RSBN1: variants seen among roughly 807,000 people sequenced by gnomAD.
RSBN1 encodes lysine-specific demethylase 9.
Under a neutral mutation model 74.8 loss-of-function variants are expected in RSBN1, and 23 were observed. The observed-to-expected ratio is 0.31, with a 90% CI of 0.22 to 0.44. The LOEUF is 0.44. Among genes scored for constraint, RSBN1 ranks in the 20% least tolerant of loss-of-function variants. The pLI is 1.00. For synonymous variants in RSBN1, 407 were observed against 379.6 expected, an observed-to-expected ratio of 1.07 and a Z score of -0.84; for missense variants, 808 against 1,020.9, an observed-to-expected ratio of 0.79 and a Z score of 2.84.
chr1:113,781,562 A>C (rs184269984), intron 2 of RSBN1, among the ~76,000 whole-genome samples: 1 of 152,110 alleles, frequency 6.6e-6, no homozygotes, highest in African/African-American at 2.4e-5. Flanking sequence ...CCATATCTAC[A>C]TCTCTAACTT....
Position 113,762,702 on chromosome 1 carries a change from A to G in RSBN1, c.*3278T>C, listed in dbSNP as rs1158011027. ...TCATGGATTTGGGAGTCTTGTTCCTATATTAGCTTTCATTCTAGACAATTA... is the reference window on the plus strand; with the variant it reads ...TCATGGATTTGGGAGTCTTGTTCCTGTATTAGCTTTCATTCTAGACAATTA... On this transcript the variant is annotated 3_prime_UTR_variant, in exon 7 of 7. Transcript: ENST00000261441. 1 of 152,780 alleles carries G rather than the reference A, an allele frequency of 6.5e-6. No individual in the cohort carries two copies. The highest frequency in any genetic ancestry group is 1.5e-5 in the Non-Finnish European group (1 of 68,016). 9.5% of individuals were successfully genotyped at this position (152,780 alleles called of 1,614,324 possible).
At chr1:113,811,155 A>G (rs562992711) in intron 1 of RSBN1, among the ~76,000 whole-genome samples, 1 of 152,344 alleles carries the variant, frequency 6.6e-6, no homozygotes, top group East Asian at 1.9e-4. Flanking sequence ...AATAGCTAAT[A>G]TGAAAACTTT....
chr1:113,789,146 T>C (rs145805859), intron 2 of RSBN1, among the ~76,000 whole-genome samples: 2 of 149,760 alleles, frequency 1.3e-5, no homozygotes, highest in African/African-American at 2.5e-5. Context: ...AATTAGAGGG[T>C]TGGACGGTCA....
chr1:113,805,678 C>A (rs1188043852), intron 1 of RSBN1, among the ~76,000 whole-genome samples: 1 of 152,184 alleles, frequency 6.6e-6, no homozygotes, highest in East Asian at 1.9e-4. Flanking sequence ...CAAGTTTACC[C>A]TAGCATTTAC....
chr1:113,793,752 C>T (rs1660416251), intron 2 of RSBN1, among the ~76,000 whole-genome samples: 1 of 151,522 alleles, frequency 6.6e-6, no homozygotes, highest in South Asian at 2.1e-4. Flanking sequence ...GTGATCTTGG[C>T]TCAGTGCAAA....
chr1:113,806,711 G>A (rs1660705085), intron 1 of RSBN1, among the ~76,000 whole-genome samples: 1 of 151,350 alleles, frequency 6.6e-6, no homozygotes, highest in South Asian at 2.1e-4. Flanking sequence ...CACTGAGAAG[G>A]TAGAAAGGAC....
chr1:113,777,769 G>A lies in RSBN1; in HGVS notation c.1417C>T (p.Pro473Ser). The change falls in exon 3 of 7, where the codon CCT becomes TCT. Residue 473 changes from proline to serine, a missense_variant. By Grantham distance (74) the Pro-to-Ser change is moderately conservative. Coordinates refer to ENST00000261441, the MANE Select transcript of RSBN1 (RefSeq NM_018364.5). ...TYCCGTYRAG[P>S]MRQISLVGAV... Reference sequence around the variant, plus strand: ...CCAACGAGACTTATCTGCCGCATAGGACCTGCTCGGTAGGTGCCACAGCAG... The same window carrying A: ...CCAACGAGACTTATCTGCCGCATAGAACCTGCTCGGTAGGTGCCACAGCAG... 1 of 1,608,144 alleles carries A rather than the reference G, an allele frequency of 6.2e-7. No individual in the cohort carries two copies. Among genetic ancestry groups the A allele is most frequent in the Non-Finnish European group, 8.5e-7 (1 of 1,176,124 alleles).
rs1328845607 is a variant in RSBN1, at chr1:113,763,665, A to G, written c.*2315T>C. On this transcript the variant is annotated 3_prime_UTR_variant, in exon 7 of 7. Transcript: ENST00000261441. Reference sequence around the variant, plus strand: ...TCTATTGCAATTCTAACATACAATGAATTTATTAGTACATGATTTTAAACA... The same window carrying G: ...TCTATTGCAATTCTAACATACAATGGATTTATTAGTACATGATTTTAAACA... 6.5e-6 allele frequency: 1 copy of G among 152,774 alleles called. No individual in the cohort carries two copies. Among genetic ancestry groups the G allele is most frequent in the Non-Finnish European group, 1.5e-5 (1 of 68,028 alleles). The allele number at this position is 152,774 out of a possible 1,614,324, so 9.5% of individuals were successfully genotyped here.
rs1659728916 is a variant in RSBN1, at chr1:113,763,698, T to C, written c.*2282A>G. 1.3e-5 allele frequency: 2 copies of C among 152,792 alleles called. No individual in the cohort carries two copies. The highest frequency in any genetic ancestry group is 1.3e-4 in the Admixed American group (2 of 15,278). 9.5% of individuals were successfully genotyped at this position (152,792 alleles called of 1,614,324 possible). On this transcript the variant is annotated 3_prime_UTR_variant, in exon 7 of 7. Coordinates refer to ENST00000261441, the MANE Select transcript of RSBN1 (RefSeq NM_018364.5). ...AGTACATGATTTTAAACATTTTTATTGTACTCTTTTAATGTGTTTATATTG... is the reference window on the plus strand; with the variant it reads ...AGTACATGATTTTAAACATTTTTATCGTACTCTTTTAATGTGTTTATATTG...
chr1:113,799,611 C>G lies in RSBN1; in HGVS notation c.704-1575G>C, dbSNP rs866732370. 1.1e-3 allele frequency among the ~76,000 whole-genome samples: 149 copies of G among 134,788 alleles called. 1 individual carries two copies. Among genetic ancestry groups the G allele is most frequent in the Middle Eastern group, 7.6e-3 (2 of 264 alleles). 88.4% of individuals were successfully genotyped at this position (134,788 alleles called of 152,430 possible). On this transcript the variant is annotated intron_variant, in intron 1 of 6. Transcript: ENST00000261441. Reference sequence around the variant, plus strand: ...ACACACACACACACACACACACACACAGAAAAATATCTGGAGAAATATATA... The same window carrying G: ...ACACACACACACACACACACACACAGAGAAAAATATCTGGAGAAATATATA...
intron 1 of RSBN1, among the ~76,000 whole-genome samples, chr1:113,800,613 C>G (rs1660563070): frequency 1.3e-5 from 2 of 152,052 alleles, no homozygotes; most frequent in Admixed American, 1.3e-4. Context: ...TTATTTTAAG[C>G]TTCGGAAGAG....
Position 113,763,252 on chromosome 1 carries a change from A to T in RSBN1, c.*2728T>A, listed in dbSNP as rs1176029849. 1 of 152,772 alleles carries T rather than the reference A, an allele frequency of 6.5e-6. No individual in the cohort carries two copies. The highest frequency in any genetic ancestry group is 1.5e-5 in the Non-Finnish European group (1 of 68,028). The allele number at this position is 152,772 out of a possible 1,614,324, so 9.5% of individuals were successfully genotyped here. On this transcript the variant is annotated 3_prime_UTR_variant, in exon 7 of 7. Transcript: ENST00000261441. ...CATTTATTGGGTCCTTTCCATAAGC[A>T]CATTTAAAAACCATCCCTCTGCTCC...
chr1:113,770,348 A>C (rs750746938), intron 4 of RSBN1, among the ~76,000 whole-genome samples: 4 of 152,206 alleles, frequency 2.6e-5, no homozygotes, highest in Admixed American at 1.3e-4. Flanking sequence ...AACAGAGAAA[A>C]GGAAAGAATC....
chr1:113,799,368 T>C (rs188805032), intron 1 of RSBN1, among the ~76,000 whole-genome samples: 3 of 152,154 alleles, frequency 2.0e-5, no homozygotes, highest in South Asian at 2.1e-4. Flanking sequence ...GATCTAATTG[T>C]ACAAGAAAAA....
intron 4 of RSBN1, among the ~76,000 whole-genome samples, chr1:113,769,264 C>A (rs931421062): frequency 6.6e-6 from 1 of 151,886 alleles, no homozygotes; most frequent in Admixed American, 6.6e-5. Flanking sequence ...AGTGGCCCTA[C>A]AATTAAACTT....
chr1:113,790,331 A>C (rs1259868259), intron 2 of RSBN1, among the ~76,000 whole-genome samples: 3 of 152,212 alleles, frequency 2.0e-5, no homozygotes, highest in Non-Finnish European at 4.4e-5. Context: ...ATACACTTTA[A>C]AATGGTTAAA....
At chr1:113,784,932 A>G (rs930160622) in intron 2 of RSBN1, among the ~76,000 whole-genome samples, 1 of 152,228 alleles carries the variant, frequency 6.6e-6, no homozygotes, top group Non-Finnish European at 1.5e-5. Context: ...GTGTACACTT[A>G]GGTTACACTG....
At chr1:113,794,097 C>T (rs142322501) in intron 2 of RSBN1, among the ~76,000 whole-genome samples, 53 of 152,310 alleles carry the variant, frequency 3.5e-4, no homozygotes, top group African/African-American at 1.2e-3. Context: ...TGACCAGCAT[C>T]GCCATCCACC....
At chr1:113,783,508 C>T (rs1660176916) in intron 2 of RSBN1, among the ~76,000 whole-genome samples, 1 of 151,858 alleles carries the variant, frequency 6.6e-6, no homozygotes, top group African/African-American at 2.4e-5. Context: ...CATTCACCAA[C>T]TGTAGGAAAC....
Sources: allele counts gnomAD v4.1 joint callset (sites outside exome capture counted in the v4.1 genomes callset), GRCh38; gene constraint gnomAD v4.1.1; transcripts MANE v1.5; gene names NCBI Gene and HGNC (gene_info 2026-07-23, HGNC 2026-07-21).